Variants in ACTL6A observed in about 807,000 individuals in gnomAD.
The protein encoded by ACTL6A is actin like 6A, also known as actin-like protein 6A.
ACTL6A carries 5 observed loss-of-function variants against 59.2 expected under a neutral mutation model. The ratio of observed to expected loss-of-function variants is 0.08; its 90% CI spans 0.04 to 0.18. The LOEUF is 0.18. Among genes scored for constraint, ACTL6A ranks in the 10% least tolerant of loss-of-function variants. The pLI, the probability that ACTL6A is intolerant of heterozygous loss-of-function variation, is 1.00. For missense variants in ACTL6A, 285 were observed against 526.9 expected, an observed-to-expected ratio of 0.54 and a Z score of 4.49; for synonymous variants, 154 against 171.8, an observed-to-expected ratio of 0.90 and a Z score of 0.81.
Position 179,588,197 on chromosome 3 carries a change from T to G in ACTL6A, c.*187T>G. On this transcript the variant is annotated 3_prime_UTR_variant, in exon 14 of 14. Transcript: ENST00000429709. ...AGTTTGTGCTTTCCTTGAAATGCAC[T>G]TATTCTTATTACAAGCATTTTATAA... is the stretch of plus-strand genomic sequence containing the variant. 2 of 458,506 alleles carry G rather than the reference T, an allele frequency of 4.4e-6. No individual in the cohort carries two copies. Among genetic ancestry groups the G allele is most frequent in the East Asian group, 3.6e-5 (1 of 27,650 alleles). The allele number at this position is 458,506 out of a possible 1,614,324, so 28.4% of individuals were successfully genotyped here. A position where few individuals can be genotyped will look rare whatever the true frequency, so the allele number is the denominator to read the frequency against.
chr3:179,569,755 G>T, intron 1 of ACTL6A, 69 bp from the exon 2 acceptor site: 2 of 1,328,294 alleles, frequency 1.5e-6, no homozygotes, highest in Non-Finnish European at 1.1e-6. Flanking sequence ...GGTTGAGGCT[G>T]CAGTGAGCTG....
chr3:179,581,250 A>G, intron 11 of ACTL6A, 30 bp downstream of exon 11: 1 of 1,577,074 alleles, frequency 6.3e-7, no homozygotes, highest in Non-Finnish European at 8.7e-7. Flanking sequence ...TACGGTTTAA[A>G]GGTATCTTTT....
In ACTL6A at chr3:179,574,423, C is replaced by T. The variant is rs765411412; in HGVS notation, c.432C>T (p.Tyr144=). The change falls in exon 5 of 14, where the codon TAC becomes TAT. Residue 144 remains tyrosine (Y), a synonymous_variant. Coordinates refer to ENST00000429709, the MANE Select transcript of ACTL6A (RefSeq NM_004301.5). ...TGACAGAGTTAATGTTTGAACACTACAACATCCCTGCCTTCTTCCTTTGCA... is the reference window on the plus strand; with the variant it reads ...TGACAGAGTTAATGTTTGAACACTATAACATCCCTGCCTTCTTCCTTTGCA... ...EKLTELMFEH[Y]NIPAFFLCKT... 2 of 1,613,450 alleles carry T rather than the reference C, an allele frequency of 1.2e-6. No homozygotes were observed. The highest frequency in any genetic ancestry group is 1.1e-5 in the South Asian group (1 of 91,058).
chr3:179,576,592 T>C (rs765922265), intron 6 of ACTL6A, 28 bp from the exon 7 acceptor site: 3 of 1,570,312 alleles, frequency 1.9e-6, no homozygotes, highest in Middle Eastern at 1.7e-4. Flanking sequence ...CTTACTGCCC[T>C]CTTAGCCTTG....
intron 12 of ACTL6A, among the ~76,000 whole-genome samples, chr3:179,585,778 C>T (rs1718469950): frequency 6.6e-6 from 1 of 150,822 alleles, no homozygotes; most frequent in Admixed American, 6.7e-5. Flanking sequence ...AAAACCTCTT[C>T]ATATAGGAAG....
At chr3:179,571,964 A>G (rs1324600828) in intron 3 of ACTL6A, among the ~76,000 whole-genome samples, 1 of 152,240 alleles carries the variant, frequency 6.6e-6, no homozygotes, top group African/African-American at 2.4e-5. Flanking sequence ...GGCCTTTCTC[A>G]GGCTTGCAGT....
At chr3:179,573,013 A>G (rs1362221241) in intron 3 of ACTL6A, among the ~76,000 whole-genome samples, 2 of 148,302 alleles carry the variant, frequency 1.3e-5, no homozygotes, top group Non-Finnish European at 3.0e-5. Flanking sequence ...ATCCAGCAGT[A>G]GTATCATCAG....
chr3:179,573,275 TATTA>T lies in ACTL6A; in HGVS notation c.278-90_278-87del, dbSNP rs1437747376. On this transcript the variant is annotated intron_variant, in intron 3 of 13. Transcript: ENST00000429709. ...AATCAGTAGGTTCTGTATACTAAAGTATTAATTGTTAAGTCATAGAAACAATTTC... is the reference window on the plus strand; with the variant it reads ...AATCAGTAGGTTCTGTATACTAAAGTATTGTTAAGTCATAGAAACAATTTC... 5 of 753,430 alleles carry T rather than the reference TATTA, an allele frequency of 6.6e-6. No homozygotes were observed. The East Asian group carries it at 1.2e-4, about 18-fold the overall frequency. 46.7% of individuals were successfully genotyped at this position (753,430 alleles called of 1,614,324 possible).
At chr3:179,575,313 C>T (rs1718134300) in intron 5 of ACTL6A, 1 of 450,724 alleles carries the variant, frequency 2.2e-6, no homozygotes. Context: ...ATATTCCCTT[C>T]CCCAGATTTT....
chr3:179,569,801 C>T, intron 1 of ACTL6A, 23 bp from the exon 2 acceptor site: 3 of 1,606,304 alleles, frequency 1.9e-6, no homozygotes, highest in Non-Finnish European at 1.7e-6. Context: ...GCTGTTAATG[C>T]TAATTATCTT....
At chr3:179,587,224 TAC>T (rs555427581) in intron 13 of ACTL6A, among the ~76,000 whole-genome samples, 28 of 151,970 alleles carry the variant, frequency 1.8e-4, no homozygotes, top group South Asian at 4.1e-4. Context: ...ACTGTATATA[TAC>T]AGTTTATATA....
At position 179,586,524 on chromosome 3, in the gene ACTL6A, AATGCATAT is replaced by A. The variant is rs751753296; in HGVS notation, c.1123-21_1123-14del. On this transcript the variant is annotated splice_polypyrimidine_tract_variant and intron_variant, in intron 12 of 13. Coordinates refer to ENST00000429709, the MANE Select transcript of ACTL6A (RefSeq NM_004301.5). ...TTGAGTCACAAGATTTGATTGTACT[AATGCATAT>A]TCTTCTATTTCAGAGTATGCGGTTG... 2.4e-5 allele frequency: 36 copies of A among 1,509,220 alleles called. No individual in the cohort carries two copies. The East Asian group carries it at 6.5e-4, about 27-fold the overall frequency. The allele number at this position is 1,509,220 out of a possible 1,614,324, so 93.5% of individuals were successfully genotyped here.
chr3:179,587,908 T>C (rs1179978715), intron 13 of ACTL6A, 22 bp from the exon 14 acceptor site: 1 of 1,577,700 alleles, frequency 6.3e-7, no homozygotes, highest in Non-Finnish European at 8.6e-7. Context: ...CATAATTATA[T>C]AAATTTCTTT....
At chr3:179,566,030 A>AT (rs1482568838) in intron 1 of ACTL6A, among the ~76,000 whole-genome samples, 1 of 152,184 alleles carries the variant, frequency 6.6e-6, no homozygotes, top group African/African-American at 2.4e-5. Flanking sequence ...TAGCAGAAAT[A>AT]TTTGGCAGAA....
chr3:179,573,329 A>T, intron 3 of ACTL6A, 40 bp from the exon 4 acceptor site: 1 of 1,328,028 alleles, frequency 7.5e-7, no homozygotes, highest in African/African-American at 1.5e-5. Context: ...ATTCATCTTC[A>T]ACTATGCATT....
At chr3:179,579,489 C>CACACAT (rs966245251) in intron 8 of ACTL6A, among the ~76,000 whole-genome samples, 1 of 151,400 alleles carries the variant, frequency 6.6e-6, no homozygotes, top group African/African-American at 2.4e-5. Flanking sequence ...CACACACACA[C>CACACAT]ATTTTAAAGA....
intron 8 of ACTL6A, among the ~76,000 whole-genome samples, chr3:179,579,455 T>TACACACACACACACACACACAC (rs10650822): frequency 5.9e-4 from 86 of 145,146 alleles, no homozygotes; most frequent in East Asian, 2.3e-3. Flanking sequence ...TTATATCATA[T>TACACACACACACACACACACAC]ACACACACAC....
At chr3:179,563,631 G>A (rs1330111683) in intron 1 of ACTL6A, among the ~76,000 whole-genome samples, 1 of 152,322 alleles carries the variant, frequency 6.6e-6, no homozygotes, top group East Asian at 1.9e-4. Context: ...GGGAAGCGGC[G>A]GCCACTTAGG....
At chr3:179,578,637 A>T (rs1377462095) in intron 8 of ACTL6A, among the ~76,000 whole-genome samples, 1 of 152,074 alleles carries the variant, frequency 6.6e-6, no homozygotes, top group Non-Finnish European at 1.5e-5. Flanking sequence ...AAAAAAACAA[A>T]TGGTAGTTCT....
Sources: allele counts gnomAD v4.1 joint callset (sites outside exome capture counted in the v4.1 genomes callset), GRCh38; gene constraint gnomAD v4.1.1; transcripts MANE v1.5; gene names NCBI Gene and HGNC (gene_info 2026-07-23, HGNC 2026-07-21).